PLPP4: variants seen among roughly 807,000 people sequenced by gnomAD.
PLPP4 encodes the protein phospholipid phosphatase 4.
A neutral mutation model predicts 32.2 loss-of-function variants in PLPP4; 20 were observed. The ratio of observed to expected loss-of-function variants is 0.62; its 90% confidence interval spans 0.44 to 0.90. The LOEUF is 0.90. PLPP4 is among the 40% of genes least tolerant of loss of function. PLPP4 has a pLI of 0.00. For synonymous variants in PLPP4, 127 were observed against 133.0 expected, an observed-to-expected ratio of 0.95 and a Z score of 0.31; for missense variants, 257 against 353.1, an observed-to-expected ratio of 0.73 and a Z score of 2.18.
At chr10:120,477,174 G>A in intron 1 of PLPP4, among the ~76,000 whole-genome samples, 1 of 150,790 alleles carries the variant, frequency 6.6e-6, no homozygotes. Flanking sequence ...TGCCGAAAGA[G>A]TGAATCATGG....
intron 1 of PLPP4, among the ~76,000 whole-genome samples, chr10:120,484,052 A>G (rs1266458328): frequency 6.6e-6 from 1 of 152,228 alleles, no homozygotes; most frequent in African/African-American, 2.4e-5. Flanking sequence ...GCTGGTGGAG[A>G]TGACCAGCAA....
In PLPP4 at chr10:120,543,252, C is replaced by T. The variant is rs187021989; in HGVS notation, c.445+22157C>T. On this transcript the variant is annotated intron_variant, in intron 5 of 6. Transcript: ENST00000398250. Reference sequence around the variant, plus strand: ...AGCACAGGCACCTTTTCAGTCCTTCCTCCTCAAGCTGGCATTGTCTAGCGG... The same window carrying T: ...AGCACAGGCACCTTTTCAGTCCTTCTTCCTCAAGCTGGCATTGTCTAGCGG... Among the ~76,000 whole-genome samples the T allele has an allele frequency of 2.4e-3, 372 of 152,316 alleles. 7 individuals are homozygous for T. Among genetic ancestry groups the T allele is most frequent in the African/African-American group, 8.4e-3 (351 of 41,570 alleles).
intron 2 of PLPP4, among the ~76,000 whole-genome samples, chr10:120,513,285 C>T (rs1845803438): frequency 6.6e-6 from 1 of 152,094 alleles, no homozygotes; most frequent in South Asian, 2.1e-4. Flanking sequence ...TTGATGGTAC[C>T]ACCAGTACCA....
intron 4 of PLPP4, among the ~76,000 whole-genome samples, chr10:120,520,346 A>G (rs1846099632): frequency 6.6e-6 from 1 of 152,150 alleles, no homozygotes; most frequent in South Asian, 2.1e-4. Flanking sequence ...TGGCCACCCA[A>G]ATTCAGGATA....
At chr10:120,481,045 G>C (rs1844179931) in intron 1 of PLPP4, among the ~76,000 whole-genome samples, 1 of 152,226 alleles carries the variant, frequency 6.6e-6, no homozygotes, top group African/African-American at 2.4e-5. Flanking sequence ...GGCAGGGCCT[G>C]TGTCTGCCTG....
At chr10:120,499,767 G>A (rs552496898) in intron 1 of PLPP4, among the ~76,000 whole-genome samples, 11 of 152,118 alleles carry the variant, frequency 7.2e-5, no homozygotes, top group Non-Finnish European at 1.3e-4. Flanking sequence ...TTTGGGAACC[G>A]CCGACCTAAC....
intron 1 of PLPP4, among the ~76,000 whole-genome samples, chr10:120,497,250 C>T (rs1326665): frequency 0.11 from 16,366 of 152,128 alleles, 954 homozygotes; most frequent in Middle Eastern, 0.23. Context: ...TGTTATATTT[C>T]GCTTTCAGAT....
intron 1 of PLPP4, among the ~76,000 whole-genome samples, chr10:120,466,659 C>T (rs1160732235): frequency 6.6e-6 from 1 of 152,090 alleles, no homozygotes; most frequent in Non-Finnish European, 1.5e-5. Context: ...ATGACATTCC[C>T]AGTTTTATAG....
In PLPP4 at chr10:120,496,074, A is replaced by C. The variant is rs372107827; in HGVS notation, c.57-7744A>C. Among the ~76,000 whole-genome samples the C allele has an allele frequency of 8.7e-4, 133 of 152,270 alleles. 2 individuals are homozygous for C. The South Asian group carries it at 0.024, about 28-fold the overall frequency. On this transcript the variant is annotated intron_variant, in intron 1 of 6. Coordinates refer to ENST00000398250, the MANE Select transcript of PLPP4 (RefSeq NM_001030059.3). Reference sequence around the variant, plus strand: ...CTGATCTGGTTTATATTTCAGTATAATCTTTTGTTATTTATAGTTGGGAAA... The same window carrying C: ...CTGATCTGGTTTATATTTCAGTATACTCTTTTGTTATTTATAGTTGGGAAA...
chr10:120,498,220 A>C (rs1423334559), intron 1 of PLPP4, among the ~76,000 whole-genome samples: 1 of 152,206 alleles, frequency 6.6e-6, no homozygotes, highest in Non-Finnish European at 1.5e-5. Context: ...TGACCTACGC[A>C]GTCTAGACAT....
At chr10:120,543,264 G>T (rs556462779) in intron 5 of PLPP4, among the ~76,000 whole-genome samples, 1 of 152,352 alleles carries the variant, frequency 6.6e-6, no homozygotes, top group South Asian at 2.1e-4. Flanking sequence ...CCTCAAGCTG[G>T]CATTGTCTAG....
chr10:120,476,827 C>T (rs1030482473), intron 1 of PLPP4, among the ~76,000 whole-genome samples: 4 of 152,164 alleles, frequency 2.6e-5, no homozygotes, highest in East Asian at 3.8e-4. Context: ...GTACCTGGCA[C>T]GCAGGGAGAA....
intron 6 of PLPP4, among the ~76,000 whole-genome samples, chr10:120,580,024 G>A (rs1330003491): frequency 2.0e-5 from 3 of 150,630 alleles, no homozygotes; most frequent in Non-Finnish European, 4.4e-5. Flanking sequence ...GGAGGCTGAG[G>A]CAGGAGAATG....
rs563670350 is a variant in PLPP4 at position 120,591,021 on chromosome 10, G to A, written c.*1519G>A. Among the ~76,000 whole-genome samples the A allele has an allele frequency of 7.9e-5, 12 of 152,096 alleles. No individual in the cohort carries two copies. The South Asian group carries it at 2.3e-3, about 29-fold the overall frequency. The stretch of plus-strand genomic sequence containing the variant: ...TAGCCTCAAGTGATCTGCCCACCTC[G>A]GCCTCCCAAAGTGCTGGGATTATAA... On this transcript the variant is annotated 3_prime_UTR_variant, in exon 7 of 7. Coordinates refer to ENST00000398250, the MANE Select transcript of PLPP4 (RefSeq NM_001030059.3).
intron 5 of PLPP4, among the ~76,000 whole-genome samples, chr10:120,552,305 A>G (rs748582179): frequency 6.6e-6 from 1 of 152,088 alleles, no homozygotes; most frequent in African/African-American, 2.4e-5. Context: ...AGAATAAGGC[A>G]TCTTTCTCTA....
chr10:120,544,329 G>T (rs917576513), intron 5 of PLPP4, among the ~76,000 whole-genome samples: 4 of 152,184 alleles, frequency 2.6e-5, no homozygotes, highest in Admixed American at 2.0e-4. Context: ...CCCCTGGGGG[G>T]ATGTGTCATC....
intron 1 of PLPP4, among the ~76,000 whole-genome samples, chr10:120,485,302 G>A (rs1214179928): frequency 6.6e-6 from 1 of 152,222 alleles, no homozygotes; most frequent in Admixed American, 6.5e-5. Context: ...CCTGGCACAG[G>A]CTTTAAGCTC....
intron 1 of PLPP4, among the ~76,000 whole-genome samples, chr10:120,477,244 A>AAAAAAAAAAG (rs1843972517): frequency 2.0e-5 from 3 of 151,620 alleles, no homozygotes; most frequent in African/African-American, 2.4e-5. Flanking sequence ...GAACGGTTCA[A>AAAAAAAAAAG]AAAGAAAAGA....
chr10:120,509,724 C>T (rs1845650046), intron 2 of PLPP4, among the ~76,000 whole-genome samples: 1 of 152,154 alleles, frequency 6.6e-6, no homozygotes, highest in Non-Finnish European at 1.5e-5. Flanking sequence ...ATAATATTTT[C>T]CATAGCAGAA....
Sources: allele counts gnomAD v4.1 joint callset (sites outside exome capture counted in the v4.1 genomes callset), GRCh38; gene constraint gnomAD v4.1.1; transcripts MANE v1.5; gene names NCBI Gene and HGNC (gene_info 2026-07-23, HGNC 2026-07-21).